Variants in LRRTM4 observed in about 807,000 individuals in gnomAD.
LRRTM4 encodes the protein leucine rich repeat transmembrane neuronal 4.
A neutral mutation model predicts 47.6 loss-of-function variants in LRRTM4; 25 were observed. The observed-to-expected ratio is 0.53, with a 90% CI of 0.38 to 0.73. The LOEUF (loss-of-function observed/expected upper bound fraction) is 0.73. Among genes scored for constraint, LRRTM4 ranks in the 30% least tolerant of loss-of-function variants. The pLI is 0.00. For synonymous variants in LRRTM4, 311 were observed against 269.5 expected, an observed-to-expected ratio of 1.15 and a Z score of -1.51; for missense variants, 638 against 713.4, an observed-to-expected ratio of 0.89 and a Z score of 1.20.
At chr2:76,902,644 C>A (rs1362258389) in intron 3 of LRRTM4, among the ~76,000 whole-genome samples, 2 of 152,114 alleles carry the variant, frequency 1.3e-5, no homozygotes, top group African/African-American at 4.8e-5. Flanking sequence ...CATAAAGAGA[C>A]TTTTCCTGGA....
chr2:77,145,517 C>A (rs547556421), intron 3 of LRRTM4, among the ~76,000 whole-genome samples: 6 of 151,690 alleles, frequency 4.0e-5, no homozygotes, highest in African/African-American at 1.5e-4. Flanking sequence ...GCTTGTAATC[C>A]CAGCACTTTG....
intron 3 of LRRTM4, among the ~76,000 whole-genome samples, chr2:76,904,508 G>C (rs758000097): frequency 6.6e-6 from 1 of 152,176 alleles, no homozygotes; most frequent in East Asian, 1.9e-4. Context: ...CCTTCTTAGA[G>C]AGCTTGAGAA....
chr2:76,930,581 T>G (rs912179017), intron 3 of LRRTM4, among the ~76,000 whole-genome samples: 1 of 152,144 alleles, frequency 6.6e-6, no homozygotes, highest in Non-Finnish European at 1.5e-5. Context: ...CTCCGGGAGA[T>G]TTTCTTCAAA....
At chr2:77,097,860 AG>A (rs1342485160) in intron 3 of LRRTM4, among the ~76,000 whole-genome samples, 2 of 151,974 alleles carry the variant, frequency 1.3e-5, no homozygotes, top group African/African-American at 4.8e-5. Flanking sequence ...AAGGCACAAT[AG>A]GGAGGATCAT....
chr2:76,898,500 C>G (rs898550284), intron 3 of LRRTM4, among the ~76,000 whole-genome samples: 1 of 129,114 alleles, frequency 7.7e-6, no homozygotes, highest in African/African-American at 3.0e-5. Flanking sequence ...ATGAGGTGAG[C>G]AGAGAATGCA....
chr2:76,755,722 AG>A (rs1219789723), intron 3 of LRRTM4, among the ~76,000 whole-genome samples: 2 of 152,130 alleles, frequency 1.3e-5, no homozygotes, highest in Non-Finnish European at 2.9e-5. Context: ...AGTTATAGGA[AG>A]AAAAGGAGCC....
intron 3 of LRRTM4, among the ~76,000 whole-genome samples, chr2:76,758,989 G>A (rs1290505176): frequency 1.3e-5 from 2 of 151,704 alleles, no homozygotes; most frequent in South Asian, 2.1e-4. Flanking sequence ...CAGTGACTTG[G>A]GATTTCATTT....
intron 3 of LRRTM4, among the ~76,000 whole-genome samples, chr2:76,986,941 A>G (rs966904603): frequency 1.3e-5 from 2 of 151,974 alleles, no homozygotes; most frequent in African/African-American, 4.8e-5. Context: ...TCAAATAACT[A>G]GGTAGCATAA....
At chr2:76,899,589 G>C (rs1433184640) in intron 3 of LRRTM4, among the ~76,000 whole-genome samples, 1 of 152,040 alleles carries the variant, frequency 6.6e-6, no homozygotes, top group Non-Finnish European at 1.5e-5. Context: ...ATTCATGTCT[G>C]ACACGTGGAA....
chr2:77,089,095 C>T (rs745743924), intron 3 of LRRTM4, among the ~76,000 whole-genome samples: 38 of 152,216 alleles, frequency 2.5e-4, no homozygotes, highest in Non-Finnish European at 4.4e-4. Context: ...TCAGACCACA[C>T]AAGGACGCCT....
intron 3 of LRRTM4, among the ~76,000 whole-genome samples, chr2:76,874,762 C>G (rs1031390760): frequency 6.6e-6 from 1 of 151,854 alleles, no homozygotes; most frequent in Non-Finnish European, 1.5e-5. Context: ...CTTTCAGGCT[C>G]TTGATACTAG....
chr2:77,470,548 T>C (rs1233246949), intron 3 of LRRTM4, among the ~76,000 whole-genome samples: 1 of 152,078 alleles, frequency 6.6e-6, no homozygotes, highest in Non-Finnish European at 1.5e-5. Context: ...AAGCATTAAG[T>C]CCAAGGAATG....
At position 77,058,115 on chromosome 2, in the gene LRRTM4, T is replaced by C. The variant is rs889559593; in HGVS notation, c.1552-309199A>G. 2.6e-5 allele frequency among the ~76,000 whole-genome samples: 4 copies of C among 152,214 alleles called. No homozygotes were observed. The South Asian group carries it at 6.2e-4, about 24-fold the overall frequency. ...TGGTAATGTCTATTTTTTCTAGCCC[T>C]GATTCCTTCAGTTTTCTAATTCAAA... On this transcript the variant is annotated intron_variant, in intron 3 of 3. Transcript: ENST00000409884.
intron 3 of LRRTM4, among the ~76,000 whole-genome samples, chr2:77,160,401 G>A (rs1347705575): frequency 6.6e-6 from 1 of 151,960 alleles, no homozygotes; most frequent in Non-Finnish European, 1.5e-5. Flanking sequence ...CTGATCTAGA[G>A]GCTAAATTAG....
intron 3 of LRRTM4, among the ~76,000 whole-genome samples, chr2:77,477,496 A>G (rs1019881789): frequency 2.0e-5 from 3 of 152,096 alleles, no homozygotes; most frequent in Admixed American, 6.6e-5. Flanking sequence ...TGTGAGATGC[A>G]TATCTGTCAT....
intron 3 of LRRTM4, among the ~76,000 whole-genome samples, chr2:77,403,354 G>A (rs290018): frequency 0.46 from 70,305 of 151,548 alleles, 16,505 homozygotes; most frequent in East Asian, 0.6. Context: ...CATATGATGG[G>A]AACTTCTTTG....
intron 3 of LRRTM4, among the ~76,000 whole-genome samples, chr2:77,512,561 A>G (rs1356547657): frequency 6.6e-6 from 1 of 152,170 alleles, no homozygotes; most frequent in African/African-American, 2.4e-5. Flanking sequence ...AGTGATATAC[A>G]GGTTGCTTCT....
rs776350916 is a variant in LRRTM4, at chr2:77,142,878, TA to T, written c.1551+375439del. 2.0e-4 allele frequency among the ~76,000 whole-genome samples: 30 copies of T among 152,176 alleles called. 1 individual carries two copies. The East Asian group carries it at 5.0e-3, about 25-fold the overall frequency. ...ATAAGAAACCTGAGTAACAGTGATG[TA>T]AAAAAAATTTCCCAAGGTTACTCCT... On this transcript the variant is annotated intron_variant, in intron 3 of 3. Transcript: ENST00000409884.
intron 3 of LRRTM4, among the ~76,000 whole-genome samples, chr2:76,886,704 TAGAA>T (rs761472547): frequency 2.0e-5 from 3 of 151,910 alleles, no homozygotes; most frequent in Non-Finnish European, 4.4e-5. Context: ...AATAACCACT[TAGAA>T]AGCGAAGTGG....
Sources: allele counts gnomAD v4.1 joint callset (sites outside exome capture counted in the v4.1 genomes callset), GRCh38; gene constraint gnomAD v4.1.1; transcripts MANE v1.5; gene names NCBI Gene and HGNC (gene_info 2026-07-23, HGNC 2026-07-21).